Variants in ZNF512 observed in about 807,000 individuals in gnomAD.
The protein encoded by ZNF512 is zinc finger protein 512.
In ZNF512, 25 loss-of-function variants were observed where a neutral mutation model predicts 77.5. That is an observed-to-expected ratio of 0.32 (90% CI 0.23 to 0.45). The LOEUF is 0.45. Ranked by LOEUF, ZNF512 falls within the 20% of genes least tolerant of loss-of-function variation. The pLI is 1.00. For missense variants in ZNF512, 483 were observed against 692.6 expected (o/e 0.70, Z 3.40); for synonymous variants, 246 against 239.9 (o/e 1.03, Z -0.24).
At position 27,583,061 on chromosome 2, in the gene ZNF512, G is replaced by T. The variant is rs764482012; in HGVS notation, c.-52G>T. On this transcript the variant is annotated 5_prime_UTR_variant, in exon 1 of 14. Coordinates refer to ENST00000355467, the MANE Select transcript of ZNF512 (RefSeq NM_032434.4). ...TCCGGGAGAGGAGAGCGGAAGTGGC[G>T]TTGGTCTGGCCGGAGCCCTTGGGTG... The T allele has an allele frequency of 9.3e-6, 15 of 1,612,024 alleles. No individual in the cohort carries two copies. The highest frequency in any genetic ancestry group is 3.3e-5 in the South Asian group (3 of 91,032).
At chr2:27,619,385 A>G (rs1441189629) in intron 13 of ZNF512, among the ~76,000 whole-genome samples, 1 of 152,058 alleles carries the variant, frequency 6.6e-6, no homozygotes, top group Non-Finnish European at 1.5e-5. Flanking sequence ...CCTGGGCAAC[A>G]GAGCAAGACT....
intron 2 of ZNF512, among the ~76,000 whole-genome samples, chr2:27,586,385 G>A (rs1317980675): frequency 1.3e-5 from 2 of 152,062 alleles, no homozygotes; most frequent in African/African-American, 4.8e-5. Context: ...GCACACCGCT[G>A]TGCCCTGCTA....
chr2:27,586,268 C>T (rs113241893), intron 2 of ZNF512, among the ~76,000 whole-genome samples: 3,548 of 151,474 alleles, frequency 0.023, 148 homozygotes, highest in African/African-American at 0.082. Context: ...CTTGCTCTGT[C>T]GCCTAGGCTG....
In ZNF512 at chr2:27,623,036, GGTGA is replaced by G. The variant is rs774201674; in HGVS notation, c.*1578_*1581del. The G allele has an allele frequency of 2.6e-5, 4 of 152,768 alleles. No homozygotes were observed. The highest frequency in any genetic ancestry group is 3.7e-4 in the East Asian group (2 of 5,336). 9.5% of individuals were successfully genotyped at this position (152,768 alleles called of 1,614,324 possible). ...AAATGAAGAAGCTATGTTAATTTCT[GGTGA>G]GTAAGACCTGGGGAATGTTTGGCAA... On this transcript the variant is annotated 3_prime_UTR_variant, in exon 14 of 14. Coordinates refer to ENST00000355467, the MANE Select transcript of ZNF512 (RefSeq NM_032434.4).
chr2:27,602,239 C>T (rs922059257), intron 7 of ZNF512, among the ~76,000 whole-genome samples: 3 of 152,180 alleles, frequency 2.0e-5, no homozygotes, highest in African/African-American at 7.2e-5. Context: ...AGGTTAGCTC[C>T]AAAGGTTCAT....
At position 27,616,425 on chromosome 2, in the gene ZNF512, A is replaced by G. The variant is rs1672881664; in HGVS notation, c.1296+101A>G. On this transcript the variant is annotated intron_variant, in intron 12 of 13. Coordinates refer to ENST00000355467, the MANE Select transcript of ZNF512 (RefSeq NM_032434.4). ...TGAACAGCTAGTTGTCCTGTTTACC[A>G]TTATCTTCAGAGGCTGCTTTAGATT... The G allele has an allele frequency of 8.6e-6, 8 of 934,556 alleles. No homozygotes were observed. In the South Asian group the frequency reaches 1.0e-4, roughly 12 times the overall value. The allele number at this position is 934,556 out of a possible 1,614,324, so 57.9% of individuals were successfully genotyped here. A position where few individuals can be genotyped will look rare whatever the true frequency, so the allele number is the denominator to read the frequency against.
At position 27,585,383 on chromosome 2, in the gene ZNF512, C is replaced by T. The variant is rs75213547; in HGVS notation, c.89+1667C>T. Among the ~76,000 whole-genome samples the T allele has an allele frequency of 8.0e-3, 1,220 of 152,294 alleles. 28 individuals are homozygous for T. The highest frequency in any genetic ancestry group is 0.028 in the African/African-American group (1,162 of 41,550). Reference sequence around the variant, plus strand: ...AGTTAAAGTGGTTAGAGCAATGTTTCTCAGTATGTACCTTGGTCACCTAGA... The same window carrying T: ...AGTTAAAGTGGTTAGAGCAATGTTTTTCAGTATGTACCTTGGTCACCTAGA... On this transcript the variant is annotated intron_variant, in intron 2 of 13. Coordinates refer to ENST00000355467, the MANE Select transcript of ZNF512 (RefSeq NM_032434.4).
At chr2:27,584,521 A>G (rs1180184657) in intron 2 of ZNF512, among the ~76,000 whole-genome samples, 9 of 152,238 alleles carry the variant, frequency 5.9e-5, no homozygotes, top group Non-Finnish European at 1.3e-4. Context: ...ATGAAAAACA[A>G]CTAGCAGTCT....
chr2:27,603,853 C>T (rs1013136938), intron 9 of ZNF512, among the ~76,000 whole-genome samples: 1 of 151,842 alleles, frequency 6.6e-6, no homozygotes, highest in African/African-American at 2.4e-5. Flanking sequence ...TTACCTTGAC[C>T]TCCCAAAGTG....
chr2:27,588,601 T>C (rs1671439747), intron 2 of ZNF512, among the ~76,000 whole-genome samples: 1 of 151,920 alleles, frequency 6.6e-6, no homozygotes, highest in South Asian at 2.1e-4. Flanking sequence ...GTTTCTGGAC[T>C]CTCCTTATTC....
intron 2 of ZNF512, among the ~76,000 whole-genome samples, chr2:27,595,541 G>C (rs1042314795): frequency 6.6e-6 from 1 of 152,084 alleles, no homozygotes; most frequent in Non-Finnish European, 1.5e-5. Flanking sequence ...TGATCAGGCT[G>C]GTCTCGAACT....
chr2:27,601,543 C>T lies in ZNF512; in HGVS notation c.669+101C>T, dbSNP rs1672114423. On this transcript the variant is annotated intron_variant, in intron 7 of 13. Coordinates refer to ENST00000355467, the MANE Select transcript of ZNF512 (RefSeq NM_032434.4). The stretch of plus-strand genomic sequence containing the variant: ...AGGCTGGAGTGCAGTGGCACGATCT[C>T]GGCTTACTGCAACCTCCACCTCCTG... 7 of 914,588 alleles carry T rather than the reference C, an allele frequency of 7.7e-6. No homozygotes were observed. In the South Asian group the frequency reaches 9.5e-5, roughly 12 times the overall value. 56.7% of individuals were successfully genotyped at this position (914,588 alleles called of 1,614,324 possible).
Position 27,583,156 on chromosome 2 carries a change from T to G in ZNF512, c.30+14T>G, listed in dbSNP as rs968741507. On this transcript the variant is annotated intron_variant, in intron 1 of 13. Transcript: ENST00000355467. ...GCTGTACCCGCCGTGAGTTTCTTGG[T>G]TTGACCGTTATGCTTTAGAGGTAGC... 5 of 1,614,066 alleles carry G rather than the reference T, an allele frequency of 3.1e-6. No individual in the cohort carries two copies. In the African/African-American group the frequency reaches 5.3e-5, roughly 17 times the overall value.
Position 27,598,049 on chromosome 2 carries a change from A to G in ZNF512, c.90-18A>G, listed in dbSNP as rs979983556. On this transcript the variant is annotated intron_variant, in intron 2 of 13. Transcript: ENST00000355467. ...CTCCAGACCTTCCTTTGTGGTATATATTTTTATGTTGTATTAGTAGCAGGA... is the reference window on the plus strand; with the variant it reads ...CTCCAGACCTTCCTTTGTGGTATATGTTTTTATGTTGTATTAGTAGCAGGA... 1.3e-6 allele frequency: 2 copies of G among 1,506,386 alleles called. No individual in the cohort carries two copies. The highest frequency in any genetic ancestry group is 1.8e-6 in the Non-Finnish European group (2 of 1,112,046). 93.3% of individuals were successfully genotyped at this position (1,506,386 alleles called of 1,614,324 possible).
intron 2 of ZNF512, 84 bp downstream of exon 2, chr2:27,583,800 G>GT: frequency 6.8e-7 from 1 of 1,478,600 alleles, no homozygotes; most frequent in Non-Finnish European, 9.3e-7. Flanking sequence ...AAAATGTTCT[G>GT]TATCTGCATT....
In ZNF512 at chr2:27,599,811, G is replaced by T; in HGVS notation, c.373+133G>T. ...CCTTTGAATTGTTTGGGAGGGAATGGCCTCCATCCTGCCTCATTATACCCT... is the reference window on the plus strand; with the variant it reads ...CCTTTGAATTGTTTGGGAGGGAATGTCCTCCATCCTGCCTCATTATACCCT... On this transcript the variant is annotated intron_variant, in intron 4 of 13. Coordinates refer to ENST00000355467, the MANE Select transcript of ZNF512 (RefSeq NM_032434.4). The T allele has an allele frequency of 2.7e-6, 3 of 1,121,328 alleles. No individual in the cohort carries two copies. In the South Asian group the frequency reaches 4.2e-5, roughly 16 times the overall value. 69.5% of individuals were successfully genotyped at this position (1,121,328 alleles called of 1,614,324 possible). A position where few individuals can be genotyped will look rare whatever the true frequency, so the allele number is the denominator to read the frequency against.
intron 10 of ZNF512, among the ~76,000 whole-genome samples, chr2:27,614,658 A>G (rs2148042322): frequency 6.7e-6 from 1 of 149,774 alleles, no homozygotes; most frequent in African/African-American, 2.4e-5. Flanking sequence ...AGCCTGGGCG[A>G]CAGAGCAAGA....
At chr2:27,588,322 T>G (rs980147444) in intron 2 of ZNF512, among the ~76,000 whole-genome samples, 2 of 152,070 alleles carry the variant, frequency 1.3e-5, no homozygotes, top group Non-Finnish European at 2.9e-5. Context: ...AGATTCCGTC[T>G]TAAGAAATAA....
In ZNF512 at chr2:27,621,290, C is replaced by T; in HGVS notation, c.1533C>T (p.Gly511=). 6.2e-7 allele frequency: 1 copy of T among 1,614,150 alleles called. No homozygotes were observed. The change falls in exon 14 of 14, where the codon GGC becomes GGT. Residue 511 remains glycine (G), a synonymous_variant. Coordinates refer to ENST00000355467, the MANE Select transcript of ZNF512 (RefSeq NM_032434.4). ...RRSLRRRQQP[G]IELPETELSL... The stretch of plus-strand genomic sequence containing the variant: ...CTCTAAGAAGGCGGCAGCAGCCTGG[C>T]ATTGAGCTTCCCGAGACAGAGCTGA...
Sources: allele counts gnomAD v4.1 joint callset (sites outside exome capture counted in the v4.1 genomes callset), GRCh38; gene constraint gnomAD v4.1.1; transcripts MANE v1.5; gene names NCBI Gene and HGNC (gene_info 2026-07-23, HGNC 2026-07-21).